The following FAM117A variants were observed in gnomAD, a reference collection of about 807,000 sequenced individuals.
FAM117A encodes protein FAM117A.
Under a neutral mutation model 44.1 loss-of-function variants are expected in FAM117A, and 21 were observed. The observed-to-expected ratio is 0.48, with a 90% confidence interval of 0.34 to 0.69. FAM117A has a LOEUF of 0.69. Ranked by LOEUF, FAM117A falls within the 30% of genes least tolerant of loss-of-function variation. The pLI, the probability that FAM117A is intolerant of heterozygous loss-of-function variation, is 0.01. For missense variants in FAM117A, 498 were observed against 589.9 expected, an observed-to-expected ratio of 0.84 and a Z score of 1.61; for synonymous variants, 220 against 238.3, an observed-to-expected ratio of 0.92 and a Z score of 0.71.
Position 49,711,547 on chromosome 17 carries a change from C to A in FAM117A, c.1070G>T (p.Gly357Val). Residue 357 changes from glycine (G) to valine (V), a missense_variant, in exon 8 of 8, where the codon GGT becomes GTT. Gly to Val is a moderately radical substitution (Grantham distance 109). Coordinates refer to ENST00000240364, the MANE Select transcript of FAM117A (RefSeq NM_030802.4). ...GGAAGTCAGGAAGGCCAGGTCAGGA[C>A]CTGGAGACCTGGAGGATGAAGAGAG... ...VRVFEEATSP[G>V]PDLAFLTSCP... 6.2e-7 allele frequency: 1 copy of A among 1,613,708 alleles called. No individual in the cohort carries two copies. Among genetic ancestry groups the A allele is most frequent in the East Asian group, 2.2e-5 (1 of 44,860 alleles).
chr17:49,715,000 C>T (rs2143691070), intron 7 of FAM117A, among the ~76,000 whole-genome samples: 1 of 152,262 alleles, frequency 6.6e-6, no homozygotes, highest in South Asian at 2.1e-4. Flanking sequence ...AATGAGCTGA[C>T]TTTAAGGCCT....
rs1335611048 is a variant in FAM117A at position 49,749,512 on chromosome 17, A to G, written c.196+14380T>C. ...GAATCGCCTGAATCTGGGAGGCAGA[A>G]GTTGCAGTGAGCCGAGATCGCGCCA... On this transcript the variant is annotated intron_variant, in intron 1 of 7. Transcript: ENST00000240364. 8.9e-5 allele frequency among the ~76,000 whole-genome samples: 11 copies of G among 123,140 alleles called. 2 individuals carry two copies. Among genetic ancestry groups the G allele is most frequent in the Non-Finnish European group, 2.1e-4 (11 of 51,564 alleles). The allele number at this position is 123,140 out of a possible 152,430, so 80.8% of individuals were successfully genotyped here. A position where few individuals can be genotyped will look rare whatever the true frequency, so the allele number is the denominator to read the frequency against.
At chr17:49,713,632 C>T (rs141806870) in intron 7 of FAM117A, among the ~76,000 whole-genome samples, 3 of 151,712 alleles carry the variant, frequency 2.0e-5, no homozygotes, top group African/African-American at 7.3e-5. Context: ...TAAGCCTCCT[C>T]AGTAGCTAGG....
intron 1 of FAM117A, among the ~76,000 whole-genome samples, chr17:49,777,100 GC>G (rs990238444): frequency 1.3e-5 from 2 of 152,138 alleles, no homozygotes; most frequent in African/African-American, 4.8e-5. Flanking sequence ...AGAGTGGCTG[GC>G]CGCTGTGTTT....
At chr17:49,757,314 T>C (rs2073702993) in intron 1 of FAM117A, among the ~76,000 whole-genome samples, 2 of 152,284 alleles carry the variant, frequency 1.3e-5, no homozygotes, top group African/African-American at 2.4e-5. Context: ...GGGCCTGGAC[T>C]TGAAGTTTTT....
At chr17:49,785,626 C>T (rs1430920227) in intron 1 of FAM117A, among the ~76,000 whole-genome samples, 1 of 152,136 alleles carries the variant, frequency 6.6e-6, no homozygotes, top group African/African-American at 2.4e-5. Context: ...GACACTAGTA[C>T]AGCTGATGAT....
At chr17:49,788,843 A>C (rs138591805), upstream of FAM117A, 6,964 of 1,587,166 alleles carry the variant, frequency 4.4e-3, 26 homozygotes, top group Non-Finnish European at 4.9e-3. Flanking sequence ...CAATGCCGCG[A>C]AGGAAGGTGA....
At chr17:49,779,716 T>A (rs2073784491) in intron 1 of FAM117A, among the ~76,000 whole-genome samples, 3 of 152,228 alleles carry the variant, frequency 2.0e-5, no homozygotes, top group South Asian at 4.1e-4. Context: ...AGTTTAGGCC[T>A]CAGGACTGTT....
chr17:49,740,628 T>C (rs34272135), intron 1 of FAM117A, among the ~76,000 whole-genome samples: 1,776 of 152,318 alleles, frequency 0.012, 12 homozygotes, highest in Middle Eastern at 0.024. Context: ...AACCTGCTGA[T>C]GAGATTGAAG....
intron 2 of FAM117A, among the ~76,000 whole-genome samples, chr17:49,725,633 T>C (rs943535085): frequency 2.6e-5 from 4 of 152,188 alleles, no homozygotes; most frequent in African/African-American, 9.7e-5. Flanking sequence ...GCAAAGGCCC[T>C]GTGGCGGCAA....
rs138341090 is a variant in FAM117A at position 49,746,769 on chromosome 17, G to C, written c.197-14049C>G. Among the ~76,000 whole-genome samples the C allele has an allele frequency of 6.6e-4, 101 of 152,296 alleles. 4 individuals are homozygous for C. In the South Asian group the frequency reaches 0.02, roughly 30 times the overall value. ...GAGACAGAGGTAAAAACAGCTAAAC[G>C]GAGGGTAGCTTGATCCCAAGGGGGA... On this transcript the variant is annotated intron_variant, in intron 1 of 7. Coordinates refer to ENST00000240364, the MANE Select transcript of FAM117A (RefSeq NM_030802.4).
intron 2 of FAM117A, among the ~76,000 whole-genome samples, chr17:49,726,257 G>A (rs2073559105): frequency 6.6e-6 from 1 of 152,032 alleles, no homozygotes; most frequent in Non-Finnish European, 1.5e-5. Context: ...TTGTTGCCCA[G>A]GCTGGAGTGC....
At chr17:49,720,294 C>A in intron 4 of FAM117A, 32 bp downstream of exon 4, 1 of 1,567,964 alleles carries the variant, frequency 6.4e-7, no homozygotes, top group Non-Finnish European at 8.8e-7. Context: ...TGGAGGAGAA[C>A]AGAGGGGAGA....
At chr17:49,775,052 G>T (rs548030976) in intron 1 of FAM117A, among the ~76,000 whole-genome samples, 1 of 152,026 alleles carries the variant, frequency 6.6e-6, no homozygotes, top group Non-Finnish European at 1.5e-5. Flanking sequence ...GCAGTGGCGC[G>T]ATCTCAGCTC....
chr17:49,764,265 T>C (rs1449672887), upstream of FAM117A: 18 of 367,246 alleles, frequency 4.9e-5, no homozygotes, highest in Non-Finnish European at 8.8e-5. Flanking sequence ...GCCTTCCCTT[T>C]CCTGAGGATG....
upstream of FAM117A, among the ~76,000 whole-genome samples, chr17:49,767,119 T>C (rs541462259): frequency 6.6e-6 from 1 of 152,302 alleles, no homozygotes; most frequent in East Asian, 1.9e-4. Context: ...CTAGGTATCA[T>C]GTCCAACCAG....
chr17:49,711,906 A>C (rs190870391), intron 7 of FAM117A, among the ~76,000 whole-genome samples: 1 of 152,220 alleles, frequency 6.6e-6, no homozygotes, highest in Admixed American at 6.5e-5. Flanking sequence ...GCACTTTGGA[A>C]GGCCAAGGTG....
At chr17:49,753,054 G>A (rs778124473) in intron 1 of FAM117A, among the ~76,000 whole-genome samples, 10 of 151,950 alleles carry the variant, frequency 6.6e-5, no homozygotes, top group Admixed American at 1.3e-4. Flanking sequence ...GTAGAGATGG[G>A]GTTTCACCAT....
intron 7 of FAM117A, among the ~76,000 whole-genome samples, chr17:49,714,650 CTT>C (rs1276744945): frequency 1.4e-4 from 19 of 139,972 alleles, no homozygotes; most frequent in African/African-American, 1.3e-4. Flanking sequence ...TCACCACTTC[CTT>C]TTTTTTTTTT....
Sources: gnomAD v4.1 joint callset for allele counts (sites outside exome capture counted in the v4.1 genomes callset) on GRCh38, gnomAD v4.1.1 for gene constraint, MANE v1.5 for transcripts, NCBI Gene and HGNC (gene_info 2026-07-23, HGNC 2026-07-21) for gene names.